SLC30A8: variants seen among roughly 807,000 people sequenced by gnomAD.
The protein encoded by SLC30A8 is proton-coupled zinc antiporter SLC30A8.
A neutral mutation model predicts 36.9 loss-of-function variants in SLC30A8; 27 were observed. The observed-to-expected ratio is 0.73, with a 90% CI of 0.54 to 1.01. The LOEUF is 1.01. Ranked by LOEUF, SLC30A8 falls within the 50% of genes least tolerant of loss-of-function variation. The pLI, the probability that SLC30A8 is intolerant of heterozygous loss-of-function variation, is 0.00. For synonymous variants in SLC30A8, 164 were observed against 172.4 expected, an observed-to-expected ratio of 0.95 and a Z score of 0.38; for missense variants, 439 against 452.0, an observed-to-expected ratio of 0.97 and a Z score of 0.26.
In SLC30A8 at chr8:116,979,348, C is replaced by T. The variant is rs141648047; in HGVS notation, c.-266+28229C>T. On this transcript the variant is annotated intron_variant, in intron 1 of 10. Coordinates refer to the SLC30A8 transcript ENST00000427715. ...GGTTACAATTTACTCCAACGTTATC[C>T]TCCTCGAAGAAAACATAAATGCATA... 3.4e-3 allele frequency among the ~76,000 whole-genome samples: 514 copies of T among 151,868 alleles called. 1 individual carries two copies. The highest frequency in any genetic ancestry group is 4.9e-3 in the Non-Finnish European group (331 of 67,974).
intron 2 of SLC30A8, among the ~76,000 whole-genome samples, chr8:117,097,928 A>ATT (rs1249647298): frequency 0.011 from 1,187 of 112,266 alleles, 61 homozygotes; most frequent in African/African-American, 0.032. Context: ...ATAAATATAT[A>ATT]TATTATATAT....
intron 1 of SLC30A8, among the ~76,000 whole-genome samples, chr8:116,969,215 C>T (rs1381736911): frequency 1.3e-5 from 2 of 151,916 alleles, no homozygotes; most frequent in African/African-American, 2.4e-5. Flanking sequence ...GTCAGGAGTT[C>T]GAGACCAGCC....
intron 1 of SLC30A8, among the ~76,000 whole-genome samples, chr8:117,005,258 G>C (rs1028060258): frequency 6.6e-6 from 1 of 151,642 alleles, no homozygotes; most frequent in Non-Finnish European, 1.5e-5. Flanking sequence ...GGTCTGTGTA[G>C]ATTTTCTTAT....
At chr8:117,118,255 C>T (rs540598960) in intron 2 of SLC30A8, among the ~76,000 whole-genome samples, 18 of 150,382 alleles carry the variant, frequency 1.2e-4, no homozygotes, top group African/African-American at 3.9e-4. Flanking sequence ...AAAATAAAAG[C>T]AACTGCCCAT....
chr8:117,114,726 T>G (rs1820372448), intron 2 of SLC30A8, among the ~76,000 whole-genome samples: 1 of 152,092 alleles, frequency 6.6e-6, no homozygotes, highest in Non-Finnish European at 1.5e-5. Flanking sequence ...GCCACTCTTG[T>G]AGGTTATGCT....
intron 1 of SLC30A8, among the ~76,000 whole-genome samples, chr8:116,963,576 T>C (rs375951521): frequency 6.6e-5 from 10 of 152,380 alleles, no homozygotes; most frequent in African/African-American, 1.9e-4. Context: ...TTCGTCCATA[T>C]TGCATTAGTG....
rs547673683 is a variant in SLC30A8, at chr8:116,983,272, A to G, written c.-266+32153A>G. On this transcript the variant is annotated intron_variant, in intron 1 of 10. Transcript: ENST00000427715. ...GTCCCTTTCTGAGATATAATTTTGC[A>G]TATTTCACCTTTTATTTTTAATTGT... is the stretch of plus-strand genomic sequence containing the variant. 1.5e-3 allele frequency among the ~76,000 whole-genome samples: 221 copies of G among 152,244 alleles called. 7 individuals are homozygous for G. The South Asian group carries it at 0.044, about 30-fold the overall frequency.
intron 1 of SLC30A8, among the ~76,000 whole-genome samples, chr8:117,008,861 C>G (rs1242037221): frequency 1.3e-5 from 2 of 152,146 alleles, no homozygotes; most frequent in Non-Finnish European, 2.9e-5. Flanking sequence ...TAACCCTTAT[C>G]AGCCCAGTGT....
At chr8:117,111,597 C>G (rs768812401) in intron 2 of SLC30A8, among the ~76,000 whole-genome samples, 4 of 152,108 alleles carry the variant, frequency 2.6e-5, no homozygotes, top group Non-Finnish European at 4.4e-5. Flanking sequence ...GTGGACTAAA[C>G]TAATTAGAGT....
At chr8:117,019,175 A>G (rs1816624266) in intron 1 of SLC30A8, among the ~76,000 whole-genome samples, 2 of 152,246 alleles carry the variant, frequency 1.3e-5, no homozygotes, top group South Asian at 2.1e-4. Flanking sequence ...TCCCAGAAAC[A>G]GGACCCATCT....
chr8:117,010,030 A>G (rs1816297011), intron 1 of SLC30A8, among the ~76,000 whole-genome samples: 1 of 152,246 alleles, frequency 6.6e-6, no homozygotes, highest in Non-Finnish European at 1.5e-5. Context: ...TTCCCTGGAA[A>G]TGGACTCTGA....
intron 1 of SLC30A8, among the ~76,000 whole-genome samples, chr8:117,137,761 G>T (rs1821427981): frequency 6.6e-6 from 1 of 151,980 alleles, no homozygotes; most frequent in Admixed American, 6.6e-5. Flanking sequence ...AATAGTGGAA[G>T]CTGACCATTC....
At position 117,174,929 on chromosome 8, in the gene SLC30A8, C is replaced by A. The variant is rs1283911260; in HGVS notation, c.*2248C>A. The A allele has an allele frequency of 6.6e-6, 1 of 152,064 alleles. No homozygotes were observed. The highest frequency in any genetic ancestry group is 1.5e-5 in the Non-Finnish European group (1 of 67,982). 9.4% of individuals were successfully genotyped at this position (152,064 alleles called of 1,614,324 possible). On this transcript the variant is annotated 3_prime_UTR_variant, in exon 8 of 8. Coordinates refer to ENST00000456015, the MANE Select transcript of SLC30A8 (RefSeq NM_173851.3). Reference sequence around the variant, plus strand: ...TTTTAAGGATTTTGAGATGAAAAAACAGATGCTACTCAGGGGCTTTATGAA... The same window carrying A: ...TTTTAAGGATTTTGAGATGAAAAAAAAGATGCTACTCAGGGGCTTTATGAA...
At chr8:117,142,761 C>CAGGA (rs747124132) in intron 1 of SLC30A8, among the ~76,000 whole-genome samples, 15,336 of 152,078 alleles carry the variant, frequency 0.1, 949 homozygotes, top group East Asian at 0.14. Flanking sequence ...AGTTCATCTT[C>CAGGA]CCTTGCCTTC....
At chr8:116,961,590 C>G in intron 1 of SLC30A8, among the ~76,000 whole-genome samples, 1 of 151,908 alleles carries the variant, frequency 6.6e-6, no homozygotes, top group South Asian at 2.1e-4. Flanking sequence ...GTTTGTGCTG[C>G]TATAACAGAA....
chr8:117,122,184 T>A (rs1820720625), intron 2 of SLC30A8, among the ~76,000 whole-genome samples: 1 of 151,930 alleles, frequency 6.6e-6, no homozygotes, highest in African/African-American at 2.4e-5. Flanking sequence ...GCCTATAGAC[T>A]TATTCTAATT....
chr8:116,972,644 C>T (rs1408803355), intron 1 of SLC30A8, among the ~76,000 whole-genome samples: 2 of 152,114 alleles, frequency 1.3e-5, no homozygotes, highest in African/African-American at 4.8e-5. Context: ...TTTGGGGGAC[C>T]ATAGTGACCA....
intron 1 of SLC30A8, among the ~76,000 whole-genome samples, chr8:117,139,318 G>A (rs541478591): frequency 1.3e-5 from 2 of 152,088 alleles, no homozygotes; most frequent in African/African-American, 2.4e-5. Flanking sequence ...CAGAATTAAT[G>A]TTCTTATAAG....
At chr8:117,083,727 A>G (rs1818755493) in intron 2 of SLC30A8, among the ~76,000 whole-genome samples, 1 of 152,160 alleles carries the variant, frequency 6.6e-6, no homozygotes, top group East Asian at 1.9e-4. Flanking sequence ...TACAATCTGG[A>G]TCTGTGAGTG....
Sources: gnomAD v4.1 joint callset for allele counts (sites outside exome capture counted in the v4.1 genomes callset) on GRCh38, gnomAD v4.1.1 for gene constraint, MANE v1.5 for transcripts, NCBI Gene and HGNC (gene_info 2026-07-23, HGNC 2026-07-21) for gene names.